The following ABLIM1 variants were observed in gnomAD, a reference collection of about 807,000 sequenced individuals.
The protein encoded by ABLIM1 is actin binding LIM protein 1, also known as actin-binding LIM protein 1.
A neutral mutation model predicts 107.0 loss-of-function variants in ABLIM1; 40 were observed. That is an observed-to-expected ratio of 0.37 (90% confidence interval 0.29 to 0.49). The LOEUF (loss-of-function observed/expected upper bound fraction) is 0.49, where lower values mean the gene tolerates loss of function less well. Ranked by LOEUF, ABLIM1 falls within the 20% of genes least tolerant of loss-of-function variation. ABLIM1 has a pLI of 0.97. For missense variants in ABLIM1, 857 were observed against 1,008.5 expected (o/e 0.85, Z 2.04); for synonymous variants, 357 against 357.3 (o/e 1.00, Z 0.01).
intron 1 of ABLIM1, among the ~76,000 whole-genome samples, chr10:114,712,950 C>T (rs2081583899): frequency 6.6e-6 from 1 of 152,040 alleles, no homozygotes; most frequent in Non-Finnish European, 1.5e-5. Context: ...CTCAGGAGGA[C>T]AAGATGGGAG....
At chr10:114,628,975 T>A (rs2077996702) in intron 1 of ABLIM1, among the ~76,000 whole-genome samples, 1 of 152,122 alleles carries the variant, frequency 6.6e-6, no homozygotes, top group Non-Finnish European at 1.5e-5. Context: ...CTCCTGTGCT[T>A]CTTTGTTACA....
At chr10:114,604,132 T>G (rs1381849759) in intron 1 of ABLIM1, among the ~76,000 whole-genome samples, 2 of 152,040 alleles carry the variant, frequency 1.3e-5, no homozygotes, top group African/African-American at 4.8e-5. Context: ...TCACCACCCC[T>G]CTCTCTCAGT....
intron 14 of ABLIM1, among the ~76,000 whole-genome samples, chr10:114,450,376 C>G (rs1339181800): frequency 6.6e-6 from 1 of 150,798 alleles, no homozygotes; most frequent in East Asian, 1.9e-4. Flanking sequence ...TTTCCTTACG[C>G]ATTTTCAATG....
chr10:114,575,635 G>A, intron 2 of ABLIM1, 36 bp from the exon 3 acceptor site: 5 of 1,591,602 alleles, frequency 3.1e-6, no homozygotes, highest in Non-Finnish European at 2.6e-6. Context: ...GTCATTATCT[G>A]CCACACTGCC....
At chr10:114,702,933 TTAAA>T (rs1038279293) in intron 1 of ABLIM1, among the ~76,000 whole-genome samples, 2 of 152,170 alleles carry the variant, frequency 1.3e-5, no homozygotes, top group African/African-American at 4.8e-5. Context: ...AGAAAAATAT[TTAAA>T]TAATTATTTT....
chr10:114,526,746 C>G (rs748317068), intron 6 of ABLIM1: 34 of 985,400 alleles, frequency 3.5e-5, no homozygotes, highest in Middle Eastern at 5.2e-4. Context: ...CAGAACACGG[C>G]CAAGAGGCTT....
At chr10:114,566,760 T>C (rs1192464569) in intron 4 of ABLIM1, among the ~76,000 whole-genome samples, 1 of 152,206 alleles carries the variant, frequency 6.6e-6, no homozygotes, top group African/African-American at 2.4e-5. Context: ...AACTTCCTAA[T>C]GATTTTGGCC....
intron 5 of ABLIM1, among the ~76,000 whole-genome samples, chr10:114,545,761 C>CT: frequency 6.6e-6 from 1 of 151,826 alleles, no homozygotes; most frequent in South Asian, 2.1e-4. Flanking sequence ...CCTGTTTCTA[C>CT]TTTAAAAAAA....
chr10:114,486,454 G>A (rs2058201105), intron 8 of ABLIM1, among the ~76,000 whole-genome samples: 5 of 152,254 alleles, frequency 3.3e-5, no homozygotes, highest in Admixed American at 6.5e-5. Flanking sequence ...ACATTCTTAC[G>A]ATAAAAGTCA....
intron 1 of ABLIM1, among the ~76,000 whole-genome samples, chr10:114,657,673 A>G (rs977841893): frequency 1.3e-5 from 2 of 152,146 alleles, no homozygotes; most frequent in Non-Finnish European, 2.9e-5. Flanking sequence ...TTTCTTTTCC[A>G]TCATACTTCC....
chr10:114,661,023 C>A (rs540042133), upstream of ABLIM1, among the ~76,000 whole-genome samples: 1 of 151,828 alleles, frequency 6.6e-6, no homozygotes, highest in South Asian at 2.1e-4. Context: ...AGAGCATGCA[C>A]AGAACACTCC....
intron 1 of ABLIM1, among the ~76,000 whole-genome samples, chr10:114,722,892 T>C (rs77260560): frequency 1.3e-5 from 2 of 150,744 alleles, no homozygotes; most frequent in African/African-American, 2.4e-5. Context: ...GGCTAGATAA[T>C]TTTTTTTTTA....
At chr10:114,523,113 T>G (rs1317809635) in intron 6 of ABLIM1, among the ~76,000 whole-genome samples, 1 of 152,102 alleles carries the variant, frequency 6.6e-6, no homozygotes, top group Non-Finnish European at 1.5e-5. Context: ...ATTGCACCAC[T>G]GCACTCCAGC....
At chr10:114,638,110 A>G (rs2078570543) in intron 1 of ABLIM1, among the ~76,000 whole-genome samples, 1 of 152,214 alleles carries the variant, frequency 6.6e-6, no homozygotes, top group South Asian at 2.1e-4. Context: ...GTCACATGTT[A>G]TTGTATCTGT....
At chr10:114,675,777 A>C (rs2080456151) in intron 1 of ABLIM1, among the ~76,000 whole-genome samples, 2 of 152,188 alleles carry the variant, frequency 1.3e-5, no homozygotes, top group Admixed American at 1.3e-4. Context: ...CTAGAAATTC[A>C]AAGTCAAAGA....
intron 4 of ABLIM1, among the ~76,000 whole-genome samples, chr10:114,570,517 C>T (rs1260906782): frequency 6.6e-6 from 1 of 150,500 alleles, no homozygotes; most frequent in Non-Finnish European, 1.5e-5. Flanking sequence ...TTTATTCCTA[C>T]TTTAATTTTT....
intron 8 of ABLIM1, among the ~76,000 whole-genome samples, chr10:114,486,402 G>T (rs2058191804): frequency 1.3e-5 from 2 of 152,066 alleles, no homozygotes; most frequent in Admixed American, 1.3e-4. Flanking sequence ...TAGCTACTGG[G>T]GTGGTTTCTG....
chr10:114,513,659 G>A (rs752386970), intron 6 of ABLIM1, among the ~76,000 whole-genome samples: 2 of 152,104 alleles, frequency 1.3e-5, no homozygotes, highest in Non-Finnish European at 1.5e-5. Flanking sequence ...CCTTGGTGGC[G>A]GGTAGGAGCA....
At chr10:114,538,578 C>T (rs2066285421) in intron 6 of ABLIM1, among the ~76,000 whole-genome samples, 1 of 152,188 alleles carries the variant, frequency 6.6e-6, no homozygotes, top group Non-Finnish European at 1.5e-5. Flanking sequence ...GTGCCACCAG[C>T]CCGCCCAGAA....
Sources: allele counts gnomAD v4.1 joint callset (sites outside exome capture counted in the v4.1 genomes callset), GRCh38; gene constraint gnomAD v4.1.1; transcripts MANE v1.5; gene names NCBI Gene and HGNC (gene_info 2026-07-23, HGNC 2026-07-21).